KCTD2: variants seen among roughly 807,000 people sequenced by gnomAD.
KCTD2 encodes BTB/POZ domain-containing protein KCTD2.
A neutral mutation model predicts 27.9 loss-of-function variants in KCTD2; 18 were observed. That is an observed-to-expected ratio of 0.64 (90% CI 0.45 to 0.96). KCTD2 has a LOEUF of 0.96. Ranked by LOEUF, KCTD2 falls within the 40% of genes least tolerant of loss-of-function variation. The pLI is 0.00. For missense variants in KCTD2, 280 were observed against 348.0 expected, an observed-to-expected ratio of 0.80 and a Z score of 1.56; for synonymous variants, 175 against 148.4, an observed-to-expected ratio of 1.18 and a Z score of -1.30.
chr17:75,057,873 C>A (rs1200652025), intron 3 of KCTD2, among the ~76,000 whole-genome samples: 1 of 151,490 alleles, frequency 6.6e-6, no homozygotes, highest in Non-Finnish European at 1.5e-5. Context: ...CGTTATACCT[C>A]TTTTGGAAGA....
At chr17:75,034,707 C>T (rs1312514760) in intron 2 of KCTD2, among the ~76,000 whole-genome samples, 2 of 152,076 alleles carry the variant, frequency 1.3e-5, no homozygotes, top group South Asian at 4.2e-4. Context: ...CCCGCGGTGC[C>T]CTGTAACCCC....
Position 75,065,769 on chromosome 17 carries a change from GACTT to G in KCTD2, c.*2724_*2727del. On this transcript the variant is annotated 3_prime_UTR_variant, in exon 6 of 6. Coordinates refer to ENST00000322444, the MANE Select transcript of KCTD2 (RefSeq NM_015353.3). ...ACCCTCCAGCGTGGCCTTTGATCCA[GACTT>G]AGGGACGAGGCTGTCACTGGTGGGC... 1 of 152,442 alleles carries G rather than the reference GACTT, an allele frequency of 6.6e-6. No homozygotes were observed. The highest frequency in any genetic ancestry group is 3.4e-3 in the Middle Eastern group (1 of 294). The allele number at this position is 152,442 out of a possible 1,614,324, so 9.4% of individuals were successfully genotyped here.
chr17:75,038,287 G>C lies in KCTD2; in HGVS notation c.-259+2930G>C, dbSNP rs535366381. On this transcript the variant is annotated intron_variant, in intron 3 of 7. Transcript: ENST00000581589. ...GTAGCTGGGATTACAGGCGCCCCCC[G>C]CCCCACCACCACGCCTGGCTAATTT... Among the ~76,000 whole-genome samples the C allele has an allele frequency of 1.8e-4, 27 of 151,546 alleles. No individual in the cohort carries two copies. The East Asian group carries it at 3.4e-3, about 19-fold the overall frequency.
chr17:75,042,716 GA>G (rs1422811158), upstream of KCTD2: 17 of 1,512,112 alleles, frequency 1.1e-5, no homozygotes, highest in Non-Finnish European at 1.5e-5. Context: ...TTTCAGTTGG[GA>G]AAAATGATAA....
chr17:75,037,659 C>G (rs771588978), intron 3 of KCTD2, among the ~76,000 whole-genome samples: 1 of 152,244 alleles, frequency 6.6e-6, no homozygotes, highest in Non-Finnish European at 1.5e-5. Flanking sequence ...ACTCTATGAT[C>G]TACTACCTTG....
At chr17:75,039,103 G>A (rs768947436) in intron 3 of KCTD2, 2 of 1,612,440 alleles carry the variant, frequency 1.2e-6, no homozygotes, top group Non-Finnish European at 1.7e-6. Context: ...TGTAAACAGA[G>A]ACGGAAAGCA....
chr17:75,054,079 G>A lies in KCTD2; in HGVS notation c.540+974G>A, dbSNP rs574498540. ...GTTGCCCAGGTTGGAGTGCAGTGGC[G>A]TGATCACAGCTCACTGCAGCCTTGG... On this transcript the variant is annotated intron_variant, in intron 3 of 5. Transcript: ENST00000322444. Among the ~76,000 whole-genome samples, 6 of 151,858 alleles carry A rather than the reference G, an allele frequency of 4.0e-5. No homozygotes were observed. The East Asian group carries it at 1.2e-3, about 30-fold the overall frequency.
rs1043085692 is a variant in KCTD2, at chr17:75,032,715, G to A, written c.-479G>A. ...AGGACCCTGGGGACGAATAGGAACA[G>A]CTGAGCAAGGCAAGGCTGAGCCCCG... On this transcript the variant is annotated 5_prime_UTR_variant, in exon 1 of 8. Transcript: ENST00000581589. The surrounding 1 kb of genome is among the most constrained non-coding windows in gnomAD (Gnocchi z 4.8). The A allele has an allele frequency of 6.6e-6, 1 of 152,010 alleles. No individual in the cohort carries two copies. Among genetic ancestry groups the A allele is most frequent in the Non-Finnish European group, 1.5e-5 (1 of 68,040 alleles). 9.4% of individuals were successfully genotyped at this position (152,010 alleles called of 1,614,324 possible).
intron 4 of KCTD2, among the ~76,000 whole-genome samples, chr17:75,059,977 C>T (rs2073387086): frequency 6.6e-6 from 1 of 152,118 alleles, no homozygotes; most frequent in Non-Finnish European, 1.5e-5. Context: ...AGGGTCAGAA[C>T]TTTTTGGTTC....
chr17:75,039,275 T>G, intron 3 of KCTD2: 2 of 1,613,992 alleles, frequency 1.2e-6, no homozygotes, highest in African/African-American at 2.7e-5. Flanking sequence ...ATTTCACCTT[T>G]AAGAAGAAAG....
chr17:75,058,061 T>A (rs1438032040), intron 3 of KCTD2, among the ~76,000 whole-genome samples: 1 of 151,838 alleles, frequency 6.6e-6, no homozygotes, highest in Non-Finnish European at 1.5e-5. Flanking sequence ...CAGTGGCTCA[T>A]GCCTGTAATC....
intron 3 of KCTD2, among the ~76,000 whole-genome samples, chr17:75,036,843 T>C (rs1260490347): frequency 6.6e-6 from 1 of 152,198 alleles, no homozygotes; most frequent in Non-Finnish European, 1.5e-5. Context: ...CTTGCACAGC[T>C]ACCGCTCCTC....
chr17:75,044,795 T>C (rs1289336052), upstream of KCTD2, among the ~76,000 whole-genome samples: 4 of 152,198 alleles, frequency 2.6e-5, no homozygotes, highest in Admixed American at 1.3e-4. Flanking sequence ...CAAAAATCTC[T>C]ATAAGCTTGG....
intron 5 of KCTD2, 42 bp downstream of exon 5, chr17:75,062,287 G>A (rs1402425995): frequency 1.0e-5 from 16 of 1,582,296 alleles, no homozygotes; most frequent in Non-Finnish European, 1.4e-5. Flanking sequence ...TGGCTTGCTT[G>A]TTCGCACCCC....
At chr17:75,037,408 A>G (rs945307424) in intron 3 of KCTD2, among the ~76,000 whole-genome samples, 1 of 151,940 alleles carries the variant, frequency 6.6e-6, no homozygotes, top group Non-Finnish European at 1.5e-5. Context: ...TAGACCATGC[A>G]GACTTTTCCT....
chr17:75,054,600 TCG>T (rs1392100352), intron 3 of KCTD2, among the ~76,000 whole-genome samples: 9 of 151,904 alleles, frequency 5.9e-5, no homozygotes, highest in Non-Finnish European at 1.3e-4. Flanking sequence ...GGTCAGGAGA[TCG>T]AGACCATCCT....
At chr17:75,057,573 TC>T (rs747492021) in intron 3 of KCTD2, among the ~76,000 whole-genome samples, 4,916 of 130,136 alleles carry the variant, frequency 0.038, 127 homozygotes, top group African/African-American at 0.07. Flanking sequence ...TTTTTTTTTT[TC>T]CTCGAGGCAG....
At chr17:75,035,069 A>G (rs1010777189) in intron 2 of KCTD2, among the ~76,000 whole-genome samples, 1 of 152,100 alleles carries the variant, frequency 6.6e-6, no homozygotes, top group South Asian at 2.1e-4. Flanking sequence ...CGGAGCGTTT[A>G]ATGGCCATCA....
At chr17:75,045,016 C>T (rs2073198988), upstream of KCTD2, among the ~76,000 whole-genome samples, 1 of 152,106 alleles carries the variant, frequency 6.6e-6, no homozygotes, top group Non-Finnish European at 1.5e-5. Flanking sequence ...GGGAACTTGC[C>T]CCGATAGTCA....
Sources: allele counts gnomAD v4.1 joint callset (sites outside exome capture counted in the v4.1 genomes callset), GRCh38; gene constraint gnomAD v4.1.1; non-coding constraint Gnocchi (gnomAD v3.1); transcripts MANE v1.5; gene names NCBI Gene and HGNC (gene_info 2026-07-23, HGNC 2026-07-21).